The following MRO variants were observed in gnomAD, a reference collection of about 807,000 sequenced individuals.
MRO encodes maestro.
Under a neutral mutation model 31.0 loss-of-function variants are expected in MRO, and 28 were observed. The ratio of observed to expected loss-of-function variants is 0.90; its 90% CI spans 0.67 to 1.24. The LOEUF (loss-of-function observed/expected upper bound fraction) is 1.24. Among genes scored for constraint, MRO ranks in the 50% most tolerant of loss-of-function variants. The pLI is 0.00. For synonymous variants in MRO, 108 were observed against 108.4 expected (o/e 1.00, Z 0.02); for missense variants, 332 against 289.2 (o/e 1.15, Z -1.07).
At chr18:50,818,940 C>T (rs1915149453) in intron 2 of MRO, among the ~76,000 whole-genome samples, 1 of 152,052 alleles carries the variant, frequency 6.6e-6, no homozygotes, top group Non-Finnish European at 1.5e-5. Flanking sequence ...GTAGTCCCAG[C>T]TACTCAGGAG....
chr18:50,810,527 A>T (rs1437944800), intron 2 of MRO, among the ~76,000 whole-genome samples: 2 of 152,236 alleles, frequency 1.3e-5, no homozygotes, highest in Admixed American at 6.5e-5. Context: ...CTGGGCTGGA[A>T]ATCCGAGGAA....
In MRO at chr18:50,796,081, T is replaced by A. The variant is rs1382874614; in HGVS notation, c.*3256A>T. 2 of 152,152 alleles carry A rather than the reference T, an allele frequency of 1.3e-5. No homozygotes were observed. Among genetic ancestry groups the A allele is most frequent in the African/African-American group, 4.8e-5 (2 of 41,420 alleles). 9.4% of individuals were successfully genotyped at this position (152,152 alleles called of 1,614,324 possible). A position where few individuals can be genotyped will look rare whatever the true frequency, so the allele number is the denominator to read the frequency against. On this transcript the variant is annotated 3_prime_UTR_variant, in exon 8 of 8. Transcript: ENST00000398439. ...TTCTTTCTTTCATTCAACTGCTCAA[T>A]AAGGTTCAAAATTAATGTTCAAAAT...
Position 50,809,411 on chromosome 18 carries a change from A to G in MRO, c.-4-7T>C. The stretch of plus-strand genomic sequence containing the variant: ...CTGTCTTTGGTCCATGGAACTAAAA[A>G]CAAAACAAAACAAAATCACATGCGC... On this transcript the variant is annotated splice_polypyrimidine_tract_variant and splice_region_variant and intron_variant, in intron 2 of 7. Coordinates refer to ENST00000398439, the MANE Select transcript of MRO (RefSeq NM_031939.6). The G allele has an allele frequency of 1.9e-6, 3 of 1,573,092 alleles. No homozygotes were observed. The highest frequency in any genetic ancestry group is 1.7e-6 in the Non-Finnish European group (2 of 1,145,660).
At chr18:50,823,251 CCCA>C (rs1915374117), upstream of MRO, among the ~76,000 whole-genome samples, 1 of 147,344 alleles carries the variant, frequency 6.8e-6, no homozygotes, top group Non-Finnish European at 1.5e-5. Flanking sequence ...TTTGCTTCCT[CCCA>C]CTTCTCTACC....
chr18:50,800,884 C>CA lies in MRO; in HGVS notation c.585+464dup, dbSNP rs11295212. Reference sequence around the variant, plus strand: ...CTGGGCAACAAGAGCAAAACTGTCTCAAAAAAAAAAAAAAGAAAGAAAGAA... The same window carrying CA: ...CTGGGCAACAAGAGCAAAACTGTCTCAAAAAAAAAAAAAAAGAAAGAAAGAA... On this transcript the variant is annotated intron_variant, in intron 6 of 7. Coordinates refer to ENST00000398439, the MANE Select transcript of MRO (RefSeq NM_031939.6). Among the ~76,000 whole-genome samples, 1,434 of 105,368 alleles carry CA rather than the reference C, an allele frequency of 0.014. 51 individuals carry two copies. The East Asian group carries it at 0.17, about 12-fold the overall frequency. The allele number at this position is 105,368 out of a possible 152,430, so 69.1% of individuals were successfully genotyped here. A position where few individuals can be genotyped will look rare whatever the true frequency, so the allele number is the denominator to read the frequency against.
At chr18:50,818,221 A>G (rs1394460876) in intron 2 of MRO, among the ~76,000 whole-genome samples, 1 of 152,176 alleles carries the variant, frequency 6.6e-6, no homozygotes, top group African/African-American at 2.4e-5. Flanking sequence ...CCCGTAAGAC[A>G]GGCATTCTTT....
intron 2 of MRO, among the ~76,000 whole-genome samples, chr18:50,813,176 G>A (rs1914610953): frequency 6.6e-6 from 1 of 152,162 alleles, no homozygotes; most frequent in Non-Finnish European, 1.5e-5. Flanking sequence ...TGAAACCCCA[G>A]GTGGATTTGC....
chr18:50,809,942 T>G (rs78669696), intron 2 of MRO, among the ~76,000 whole-genome samples: 260 of 152,282 alleles, frequency 1.7e-3, no homozygotes, highest in African/African-American at 6.1e-3. Context: ...ATTGTGTTCT[T>G]TAATGGTTTG....
Position 50,804,514 on chromosome 18 carries a change from T to C in MRO, c.429+640A>G, listed in dbSNP as rs202003309. Among the ~76,000 whole-genome samples, 44 of 152,106 alleles carry C rather than the reference T, an allele frequency of 2.9e-4. No individual in the cohort carries two copies. In the East Asian group the frequency reaches 8.0e-3, roughly 28 times the overall value. On this transcript the variant is annotated intron_variant, in intron 5 of 7. Transcript: ENST00000398439. ...GGTGGCATGTGCCTATAGTCCCAGCTACTTGGGAGGCTGAGGTGGGAGGAT... is the reference window on the plus strand; with the variant it reads ...GGTGGCATGTGCCTATAGTCCCAGCCACTTGGGAGGCTGAGGTGGGAGGAT...
intron 2 of MRO, chr18:50,819,352 C>T (rs1380036316): frequency 1.2e-6 from 1 of 803,366 alleles, no homozygotes; most frequent in East Asian, 1.2e-4. Context: ...TGATCTATAA[C>T]CCAACTATTG....
At chr18:50,809,066 AAGTGG>A (rs1914205554) in intron 3 of MRO, among the ~76,000 whole-genome samples, 1 of 147,724 alleles carries the variant, frequency 6.8e-6, no homozygotes, top group Non-Finnish European at 1.5e-5. Context: ...TGAACCCGGG[AAGTGG>A]AGCTTGCAGT....
chr18:50,800,046 T>C lies in MRO; in HGVS notation c.683A>G (p.Tyr228Cys). 2 of 1,612,088 alleles carry C rather than the reference T, an allele frequency of 1.2e-6. No homozygotes were observed. Among genetic ancestry groups the C allele is most frequent in the Non-Finnish European group, 1.7e-6 (2 of 1,178,332 alleles). ...CCCTGGCTCACTCACCAGCTGCTGG[T>C]AGAGCTTAGTGTTCCTTTGATCTTC... The part of the protein sequence containing the change: ...SEEDQRNTKL[Y>C]QQLSHYHPEI... Residue 228 changes from tyrosine to cysteine, a missense_variant, in exon 7 of 8, where the codon TAC becomes TGC. By Grantham distance (194) the Tyr-to-Cys change is radical. Coordinates refer to ENST00000398439, the MANE Select transcript of MRO (RefSeq NM_031939.6).
rs2276185 is a variant in MRO at position 50,799,060 on chromosome 18, T to G, written c.*277A>C. 1,919 of 325,744 alleles carry G rather than the reference T, an allele frequency of 5.9e-3. 99 individuals carry two copies. In the East Asian group the frequency reaches 0.099, roughly 17 times the overall value. The allele number at this position is 325,744 out of a possible 1,614,324, so 20.2% of individuals were successfully genotyped here. On this transcript the variant is annotated 3_prime_UTR_variant, in exon 8 of 8. Transcript: ENST00000398439. ...AAAGCTGAGAAATAAGCACTGAATC[T>G]ATATACACTTGGAATGTTTTAAAGA...
At chr18:50,815,270 G>T in intron 2 of MRO, 1 of 256,804 alleles carries the variant, frequency 3.9e-6, no homozygotes, top group South Asian at 5.5e-5. Context: ...TCATGGAAGT[G>T]GATCTGGCAA....
At chr18:50,808,387 G>C (rs1465465412) in intron 3 of MRO, among the ~76,000 whole-genome samples, 1 of 151,960 alleles carries the variant, frequency 6.6e-6, no homozygotes, top group East Asian at 1.9e-4. Flanking sequence ...CTATGGATGA[G>C]ATTTGGTGAT....
At chr18:50,805,987 G>T (rs904156102) in intron 4 of MRO, among the ~76,000 whole-genome samples, 2 of 149,970 alleles carry the variant, frequency 1.3e-5, no homozygotes, top group African/African-American at 2.5e-5. Flanking sequence ...TTGAAATGGA[G>T]TCTCGCTCTG....
chr18:50,818,359 C>T (rs767000796), intron 2 of MRO, among the ~76,000 whole-genome samples: 7 of 152,176 alleles, frequency 4.6e-5, no homozygotes, highest in Non-Finnish European at 8.8e-5. Flanking sequence ...TAGTTTTACT[C>T]ATCTCTGCAC....
intron 4 of MRO, 54 bp from the exon 5 acceptor site, chr18:50,805,390 T>G: frequency 2.0e-6 from 3 of 1,497,592 alleles, no homozygotes; most frequent in Non-Finnish European, 2.8e-6. Context: ...CCCCATAGGT[T>G]GAAAAGCAAC....
At chr18:50,821,231 T>C (rs766400565), upstream of MRO, among the ~76,000 whole-genome samples, 2 of 151,980 alleles carry the variant, frequency 1.3e-5, no homozygotes, top group Non-Finnish European at 2.9e-5. Flanking sequence ...TGGTGCCAAG[T>C]AGTGGTAATA....
Sources: gnomAD v4.1 joint callset for allele counts (sites outside exome capture counted in the v4.1 genomes callset) on GRCh38, gnomAD v4.1.1 for gene constraint, MANE v1.5 for transcripts, NCBI Gene and HGNC (gene_info 2026-07-23, HGNC 2026-07-21) for gene names.